The following NCKAP5 variants were observed in gnomAD, a reference collection of about 807,000 sequenced individuals.
NCKAP5 encodes the protein NCK associated protein 5, also known as nck-associated protein 5.
Under a neutral mutation model 167.0 loss-of-function variants are expected in NCKAP5, and 92 were observed. The observed-to-expected ratio is 0.55, with a 90% CI of 0.47 to 0.66. NCKAP5 has a LOEUF of 0.66. Among genes scored for constraint, NCKAP5 ranks in the 30% least tolerant of loss-of-function variants. NCKAP5 has a pLI of 0.00. For missense variants in NCKAP5, 2,378 were observed against 2,315.0 expected, an observed-to-expected ratio of 1.03 and a Z score of -0.56; for synonymous variants, 891 against 877.4, an observed-to-expected ratio of 1.02 and a Z score of -0.27.
At chr2:132,816,551 C>T (rs1380531331) in intron 11 of NCKAP5, among the ~76,000 whole-genome samples, 4 of 152,138 alleles carry the variant, frequency 2.6e-5, no homozygotes, top group East Asian at 1.9e-4. Context: ...CCTGCTGAGG[C>T]GGAACACTGG....
At position 132,785,438 on chromosome 2, in the gene NCKAP5, C is replaced by T. The variant is rs754491062; in HGVS notation, c.1373G>A (p.Gly458Glu). 13 of 1,613,616 alleles carry T rather than the reference C, an allele frequency of 8.1e-6. No individual in the cohort carries two copies. In the East Asian group the frequency reaches 2.9e-4, roughly 36 times the overall value. ...CTTGTGGGGTTCCTTGCAGGGGCTC[C>T]CCAGGTCAGCTGTTTTGCAGGGGGG... ...EYPPCKTADL[G>E]SPCKEPHKTF... The change falls in exon 14 of 20, where the codon GGG becomes GAG. Residue 458 changes from glycine to glutamate, a missense_variant. This residue lies in a region of NCKAP5 where 1,049 missense variants were observed against 1,023.4 expected (regional missense o/e 1.02). Coordinates refer to ENST00000409261, the MANE Select transcript of NCKAP5 (RefSeq NM_207363.3).
At chr2:133,385,638 G>T (rs544662963) in intron 3 of NCKAP5, among the ~76,000 whole-genome samples, 1 of 152,094 alleles carries the variant, frequency 6.6e-6, no homozygotes, top group Non-Finnish European at 1.5e-5. Context: ...GCCCCTCCTT[G>T]TACCTCTGGT....
intron 8 of NCKAP5, among the ~76,000 whole-genome samples, chr2:132,893,889 C>T (rs1197845282): frequency 6.6e-6 from 1 of 152,172 alleles, no homozygotes; most frequent in Non-Finnish European, 1.5e-5. Flanking sequence ...TTCACACACA[C>T]ACACATACAC....
At chr2:133,504,638 C>T (rs1322412826) in intron 3 of NCKAP5, among the ~76,000 whole-genome samples, 2 of 152,080 alleles carry the variant, frequency 1.3e-5, no homozygotes, top group African/African-American at 4.8e-5. Flanking sequence ...AAAAGCCAAA[C>T]TTTCATAAGC....
At chr2:133,488,295 A>C (rs1008333238) in intron 3 of NCKAP5, among the ~76,000 whole-genome samples, 2 of 152,174 alleles carry the variant, frequency 1.3e-5, no homozygotes, top group Non-Finnish European at 2.9e-5. Flanking sequence ...AAAAGCAAAC[A>C]AAACAACCAA....
chr2:133,298,043 T>TA (rs1553610817), intron 4 of NCKAP5, among the ~76,000 whole-genome samples: 1 of 152,208 alleles, frequency 6.6e-6, no homozygotes, highest in Non-Finnish European at 1.5e-5. Flanking sequence ...AATTTAATCA[T>TA]AACCAGAAAG....
chr2:133,453,109 G>A (rs1348036103), intron 3 of NCKAP5, among the ~76,000 whole-genome samples: 2 of 152,100 alleles, frequency 1.3e-5, no homozygotes, highest in African/African-American at 4.8e-5. Flanking sequence ...AATAGAACTT[G>A]AAGTGTTTTA....
intron 4 of NCKAP5, among the ~76,000 whole-genome samples, chr2:133,284,914 T>C (rs1366072194): frequency 6.6e-6 from 1 of 152,226 alleles, no homozygotes; most frequent in Non-Finnish European, 1.5e-5. Context: ...CTCTTCTCAC[T>C]GCATTATAAG....
chr2:132,945,451 C>T (rs971560836), intron 8 of NCKAP5, among the ~76,000 whole-genome samples: 8 of 151,972 alleles, frequency 5.3e-5, no homozygotes, highest in East Asian at 1.9e-4. Flanking sequence ...CCTTGGGAAT[C>T]GATGGAAGTC....
intron 4 of NCKAP5, among the ~76,000 whole-genome samples, chr2:133,268,070 G>A (rs1259851700): frequency 2.6e-5 from 4 of 152,176 alleles, no homozygotes; most frequent in African/African-American, 7.2e-5. Context: ...AATCACCAGT[G>A]GAAAAGTTGA....
chr2:133,220,195 G>A (rs1411323512), intron 4 of NCKAP5, among the ~76,000 whole-genome samples: 1 of 152,164 alleles, frequency 6.6e-6, no homozygotes, highest in African/African-American at 2.4e-5. Flanking sequence ...ATGCATCACT[G>A]TTTTGTTTTG....
chr2:133,199,876 CTACT>C (rs1295816680), intron 5 of NCKAP5, among the ~76,000 whole-genome samples: 1 of 151,792 alleles, frequency 6.6e-6, no homozygotes, highest in Admixed American at 6.6e-5. Flanking sequence ...AAGGAAGGAA[CTACT>C]TACTAATTTA....
intron 3 of NCKAP5, among the ~76,000 whole-genome samples, chr2:133,469,837 C>G (rs1692914084): frequency 1.3e-5 from 2 of 151,508 alleles, no homozygotes; most frequent in Non-Finnish European, 2.9e-5. Context: ...TCATGTAGTT[C>G]TCGAGCCTTG....
At chr2:133,018,366 T>A (rs949539534) in intron 6 of NCKAP5, among the ~76,000 whole-genome samples, 1 of 152,180 alleles carries the variant, frequency 6.6e-6, no homozygotes, top group Admixed American at 6.6e-5. Flanking sequence ...ACTAAGGAGT[T>A]ACCCTCCCCA....
At chr2:133,051,689 A>C (rs951963183) in intron 6 of NCKAP5, among the ~76,000 whole-genome samples, 1 of 152,234 alleles carries the variant, frequency 6.6e-6, no homozygotes, top group African/African-American at 2.4e-5. Flanking sequence ...ATGCACTGTG[A>C]ATATTTAAAA....
chr2:133,628,530 G>C, the NCKAP5 span, among the ~76,000 whole-genome samples: 2 of 152,176 alleles, frequency 1.3e-5, no homozygotes, highest in Non-Finnish European at 2.9e-5. Context: ...CATGCTCATG[G>C]AAAGGAAGAA....
At chr2:133,530,318 T>G (rs1289904500) in intron 2 of NCKAP5, among the ~76,000 whole-genome samples, 1 of 152,146 alleles carries the variant, frequency 6.6e-6, no homozygotes, top group African/African-American at 2.4e-5. Flanking sequence ...ACTGCTTTAA[T>G]TATGAGCTTT....
chr2:133,164,477 A>T (rs2083922837), intron 5 of NCKAP5, among the ~76,000 whole-genome samples: 1 of 152,220 alleles, frequency 6.6e-6, no homozygotes, highest in Non-Finnish European at 1.5e-5. Context: ...CCATAAAATG[A>T]ATTGCAGAGC....
chr2:132,852,531 C>G (rs1340296261), intron 11 of NCKAP5, among the ~76,000 whole-genome samples: 1 of 152,134 alleles, frequency 6.6e-6, no homozygotes, highest in Non-Finnish European at 1.5e-5. Flanking sequence ...GCATGACACT[C>G]CTGGAGGTTA....
Sources: allele counts gnomAD v4.1 joint callset (sites outside exome capture counted in the v4.1 genomes callset), GRCh38; gene constraint gnomAD v4.1.1; regional missense constraint gnomAD v4.1.1; transcripts MANE v1.5; gene names NCBI Gene and HGNC (gene_info 2026-07-23, HGNC 2026-07-21).